The following KCNIP1 variants were observed in gnomAD, a reference collection of about 807,000 sequenced individuals.
The protein encoded by KCNIP1 is potassium voltage-gated channel interacting protein 1.
Under a neutral mutation model 33.0 loss-of-function variants are expected in KCNIP1, and 18 were observed. The observed-to-expected ratio is 0.55, with a 90% CI of 0.38 to 0.81. The LOEUF (loss-of-function observed/expected upper bound fraction) is 0.81. KCNIP1 is among the 30% of genes least tolerant of loss of function. The pLI is 0.00. For missense variants in KCNIP1, 238 were observed against 271.6 expected, an observed-to-expected ratio of 0.88 and a Z score of 0.87; for synonymous variants, 93 against 98.3, an observed-to-expected ratio of 0.95 and a Z score of 0.32.
chr5:170,699,417 C>T (rs531499452), intron 1 of KCNIP1, among the ~76,000 whole-genome samples: 2 of 152,190 alleles, frequency 1.3e-5, no homozygotes, highest in Non-Finnish European at 2.9e-5. Context: ...CCATTGCCTC[C>T]CACCTTCTTG....
chr5:170,526,847 C>T (rs1015769248), intron 1 of KCNIP1, among the ~76,000 whole-genome samples: 3 of 151,904 alleles, frequency 2.0e-5, no homozygotes, highest in African/African-American at 7.3e-5. Flanking sequence ...CTCAGCCTCC[C>T]AAGTAGCTGG....
chr5:170,483,513 T>C (rs1757021284), intron 1 of KCNIP1, among the ~76,000 whole-genome samples: 1 of 152,180 alleles, frequency 6.6e-6, no homozygotes, highest in South Asian at 2.1e-4. Context: ...TACCAATCAC[T>C]CCATAACTTG....
chr5:170,702,604 A>G (rs1418641963), intron 1 of KCNIP1, among the ~76,000 whole-genome samples: 1 of 152,178 alleles, frequency 6.6e-6, no homozygotes, highest in East Asian at 1.9e-4. Flanking sequence ...GGAGACTTGT[A>G]TTAGTGGAAT....
intron 1 of KCNIP1, among the ~76,000 whole-genome samples, chr5:170,600,921 T>C (rs949174248): frequency 1.3e-5 from 2 of 152,200 alleles, no homozygotes; most frequent in Non-Finnish European, 2.9e-5. Flanking sequence ...GGCCAATGAA[T>C]GTTTGGCAAC....
At chr5:170,401,022 C>G (rs1311872295) in intron 1 of KCNIP1, among the ~76,000 whole-genome samples, 3 of 152,204 alleles carry the variant, frequency 2.0e-5, no homozygotes, top group Non-Finnish European at 4.4e-5. Context: ...TCCATCATAG[C>G]CTGACTCAGG....
intron 1 of KCNIP1, among the ~76,000 whole-genome samples, chr5:170,710,816 C>T (rs1763419206): frequency 6.6e-6 from 1 of 152,210 alleles, no homozygotes; most frequent in Admixed American, 6.5e-5. Flanking sequence ...CTTCAACACT[C>T]AACTGAATTA....
chr5:170,629,191 G>A (rs1208052625), intron 1 of KCNIP1, among the ~76,000 whole-genome samples: 2 of 152,206 alleles, frequency 1.3e-5, no homozygotes, highest in Non-Finnish European at 2.9e-5. Context: ...CAGACTCTCA[G>A]TCCTCATCAG....
At chr5:170,597,551 A>G (rs1172074188) in intron 1 of KCNIP1, among the ~76,000 whole-genome samples, 2 of 152,066 alleles carry the variant, frequency 1.3e-5, no homozygotes, top group Admixed American at 1.3e-4. Context: ...TGGGAGATGA[A>G]TGTATTCATG....
intron 1 of KCNIP1, among the ~76,000 whole-genome samples, chr5:170,655,888 C>A (rs142817040): frequency 6.6e-6 from 1 of 152,168 alleles, no homozygotes; most frequent in African/African-American, 2.4e-5. Flanking sequence ...TTCGGCCACC[C>A]GGCAAGAAAT....
intron 1 of KCNIP1, among the ~76,000 whole-genome samples, chr5:170,562,818 A>G (rs1757078497): frequency 6.6e-6 from 1 of 152,244 alleles, no homozygotes; most frequent in Non-Finnish European, 1.5e-5. Flanking sequence ...AAACACAGCA[A>G]GCAGGACACC....
intron 1 of KCNIP1, chr5:170,374,589 G>C (rs1462255012): frequency 6.6e-6 from 1 of 152,168 alleles, no homozygotes; most frequent in African/African-American, 2.4e-5. Flanking sequence ...CGGCACATGG[G>C]AGAACCATCC....
chr5:170,694,874 T>G (rs1762839789), intron 1 of KCNIP1, among the ~76,000 whole-genome samples: 1 of 152,174 alleles, frequency 6.6e-6, no homozygotes, highest in South Asian at 2.1e-4. Flanking sequence ...AAAGAACAAA[T>G]AATTCTGAAA....
intron 1 of KCNIP1, among the ~76,000 whole-genome samples, chr5:170,435,897 T>C (rs1755851882): frequency 1.3e-5 from 2 of 152,102 alleles, no homozygotes; most frequent in African/African-American, 4.8e-5. Flanking sequence ...AGGCCACCAC[T>C]ACCTGAGCCA....
chr5:170,567,752 G>A (rs1384851362), intron 1 of KCNIP1, among the ~76,000 whole-genome samples: 5 of 152,184 alleles, frequency 3.3e-5, no homozygotes, highest in East Asian at 3.9e-4. Flanking sequence ...AGGGGCCTGC[G>A]TGCTTTACTA....
chr5:170,378,907 C>T (rs1764121068), intron 1 of KCNIP1: 1 of 1,614,230 alleles, frequency 6.2e-7, no homozygotes, highest in African/African-American at 1.3e-5. Context: ...TGGAATTTGG[C>T]TCTGACCTTC....
intron 1 of KCNIP1, among the ~76,000 whole-genome samples, chr5:170,710,705 A>G (rs50364): frequency 0.67 from 101,519 of 152,084 alleles, 35,739 homozygotes; most frequent in East Asian, 0.95. Context: ...CTTTTTATCC[A>G]GTTGTTCTCA....
At chr5:170,717,498 G>A (rs1763679016) in intron 1 of KCNIP1, among the ~76,000 whole-genome samples, 1 of 152,112 alleles carries the variant, frequency 6.6e-6, no homozygotes, top group African/African-American at 2.4e-5. Flanking sequence ...GAGAAAGATG[G>A]CAATTAGGAA....
At chr5:170,564,167 T>C (rs776953713) in intron 1 of KCNIP1, among the ~76,000 whole-genome samples, 14 of 152,190 alleles carry the variant, frequency 9.2e-5, no homozygotes, top group Non-Finnish European at 2.1e-4. Flanking sequence ...TACATTCTTA[T>C]GTTATCATTT....
Position 170,489,911 on chromosome 5 carries a change from G to A in KCNIP1, c.88+135947G>A, listed in dbSNP as rs1238588196. Among the ~76,000 whole-genome samples, 2 of 152,192 alleles carry A rather than the reference G, an allele frequency of 1.3e-5. No homozygotes were observed. The highest frequency in any genetic ancestry group is 2.9e-5 in the Non-Finnish European group (2 of 68,030). On this transcript the variant is annotated intron_variant, in intron 1 of 7. Coordinates refer to the KCNIP1 transcript ENST00000377360. The surrounding 1 kb of genome is among the most constrained non-coding windows in gnomAD (Gnocchi z 4.3). Reference sequence around the variant, plus strand: ...GCCCCACATGCCTGCAGGCGGCCCTGGGATATCTGCCATGTGCAGGGAATA... The same window carrying A: ...GCCCCACATGCCTGCAGGCGGCCCTAGGATATCTGCCATGTGCAGGGAATA...
Sources: gnomAD v4.1 joint callset for allele counts (sites outside exome capture counted in the v4.1 genomes callset) on GRCh38, gnomAD v4.1.1 for gene constraint, Gnocchi (gnomAD v3.1) non-coding constraint, MANE v1.5 for transcripts, NCBI Gene and HGNC (gene_info 2026-07-23, HGNC 2026-07-21) for gene names.